TAFA1: variants seen among roughly 807,000 people sequenced by gnomAD.
The protein encoded by TAFA1 is TAFA chemokine like family member 1, also known as chemokine-like protein TAFA-1.
In TAFA1, 4 loss-of-function variants were observed where a neutral mutation model predicts 18.5. The observed-to-expected ratio is 0.22, with a 90% CI of 0.11 to 0.49. The LOEUF (loss-of-function observed/expected upper bound fraction) is 0.49, where lower values mean the gene tolerates loss of function less well. Ranked by LOEUF, TAFA1 falls within the 20% of genes least tolerant of loss-of-function variation. TAFA1 has a pLI of 0.98. For missense variants in TAFA1, 147 were observed against 169.0 expected, an observed-to-expected ratio of 0.87 and a Z score of 0.72; for synonymous variants, 56 against 55.2, an observed-to-expected ratio of 1.01 and a Z score of -0.06.
At chr3:68,221,158 A>G (rs964145465) in intron 2 of TAFA1, among the ~76,000 whole-genome samples, 17 of 152,326 alleles carry the variant, frequency 1.1e-4, no homozygotes, top group African/African-American at 4.1e-4. Context: ...AGTGGCCTGT[A>G]GACCATTTTG....
intron 2 of TAFA1, among the ~76,000 whole-genome samples, chr3:68,231,758 T>G (rs907923862): frequency 6.6e-6 from 1 of 152,190 alleles, no homozygotes; most frequent in African/African-American, 2.4e-5. Context: ...TTTAATAAAT[T>G]TACAGAGGGT....
intron 3 of TAFA1, among the ~76,000 whole-genome samples, chr3:68,532,504 T>C (rs1485414840): frequency 6.6e-6 from 1 of 152,138 alleles, no homozygotes; most frequent in Non-Finnish European, 1.5e-5. Flanking sequence ...GTAGATTTCT[T>C]GTTTAGATAC....
At chr3:68,019,580 T>C (rs1704643050) in intron 2 of TAFA1, among the ~76,000 whole-genome samples, 1 of 152,246 alleles carries the variant, frequency 6.6e-6, no homozygotes, top group African/African-American at 2.4e-5. Context: ...GAATATTGTA[T>C]AATGGGTTGA....
chr3:68,449,885 A>G (rs533980325), intron 3 of TAFA1, among the ~76,000 whole-genome samples: 1 of 152,366 alleles, frequency 6.6e-6, no homozygotes, highest in East Asian at 1.9e-4. Context: ...TGCTTCAAGA[A>G]AAACGGAAAA....
At chr3:67,999,952 A>G (rs1383858936), upstream of TAFA1, among the ~76,000 whole-genome samples, 1 of 151,938 alleles carries the variant, frequency 6.6e-6, no homozygotes, top group Non-Finnish European at 1.5e-5. Context: ...CCATACCCAG[A>G]TAATTTTCAT....
intron 2 of TAFA1, among the ~76,000 whole-genome samples, chr3:68,370,001 G>A (rs2069647525): frequency 6.6e-6 from 1 of 151,824 alleles, no homozygotes; most frequent in Non-Finnish European, 1.5e-5. Flanking sequence ...CTTTAAAAAT[G>A]TTTTGGGCCA....
intron 2 of TAFA1, among the ~76,000 whole-genome samples, chr3:68,151,144 T>C (rs1228223883): frequency 6.6e-6 from 1 of 152,106 alleles, no homozygotes; most frequent in Non-Finnish European, 1.5e-5. Flanking sequence ...CTTGATTCCC[T>C]CTACACCTTT....
At chr3:68,101,608 A>G (rs908366470) in intron 2 of TAFA1, among the ~76,000 whole-genome samples, 2 of 152,166 alleles carry the variant, frequency 1.3e-5, no homozygotes, top group Non-Finnish European at 2.9e-5. Flanking sequence ...ATAGCCTTCC[A>G]TGTTTTGAAG....
intron 3 of TAFA1, among the ~76,000 whole-genome samples, chr3:68,530,635 T>C (rs1305964807): frequency 6.6e-6 from 1 of 152,190 alleles, no homozygotes; most frequent in African/African-American, 2.4e-5. Flanking sequence ...AACTCAGTTC[T>C]AGGGGATAAA....
chr3:68,103,104 T>C (rs1396334923), intron 2 of TAFA1, among the ~76,000 whole-genome samples: 2 of 152,352 alleles, frequency 1.3e-5, no homozygotes, highest in East Asian at 3.9e-4. Flanking sequence ...TAAAGGGCTC[T>C]GGTGTCCAAA....
chr3:68,361,601 CT>C (rs896508737), intron 2 of TAFA1, among the ~76,000 whole-genome samples: 4 of 151,314 alleles, frequency 2.6e-5, no homozygotes, highest in East Asian at 1.9e-4. Flanking sequence ...CATGTCCCCC[CT>C]AAGTGTGTAA....
intron 3 of TAFA1, among the ~76,000 whole-genome samples, chr3:68,422,985 A>T (rs1353793698): frequency 6.6e-6 from 1 of 152,222 alleles, no homozygotes; most frequent in Non-Finnish European, 1.5e-5. Flanking sequence ...ATAAAGATTC[A>T]TAAACAAGAG....
intron 2 of TAFA1, among the ~76,000 whole-genome samples, chr3:68,103,241 A>T (rs1392113382): frequency 6.6e-6 from 1 of 152,212 alleles, no homozygotes; most frequent in Non-Finnish European, 1.5e-5. Context: ...TTTGGTTAGA[A>T]CTGTTAATTC....
chr3:68,000,717 A>G (rs1401892193), upstream of TAFA1, among the ~76,000 whole-genome samples: 2 of 152,200 alleles, frequency 1.3e-5, no homozygotes, highest in African/African-American at 4.8e-5. Flanking sequence ...ATACTCCAAG[A>G]CAAGTATACT....
intron 2 of TAFA1, among the ~76,000 whole-genome samples, chr3:68,232,410 G>A (rs2066882771): frequency 6.6e-6 from 1 of 152,150 alleles, no homozygotes; most frequent in Non-Finnish European, 1.5e-5. Flanking sequence ...TTTTATGTCT[G>A]AATGGTATTC....
At chr3:68,443,261 G>A (rs2071417040) in intron 3 of TAFA1, among the ~76,000 whole-genome samples, 1 of 151,972 alleles carries the variant, frequency 6.6e-6, no homozygotes, top group Non-Finnish European at 1.5e-5. Flanking sequence ...ACAGAACCCT[G>A]GAAGGCAGCT....
intron 2 of TAFA1, among the ~76,000 whole-genome samples, chr3:68,036,393 T>TGTG (rs965552675): frequency 1.4e-5 from 2 of 141,626 alleles, no homozygotes; most frequent in African/African-American, 5.4e-5. Context: ...GAGCCAAGAC[T>TGTG]GTGCCACTGC....
intron 3 of TAFA1, among the ~76,000 whole-genome samples, chr3:68,482,741 C>T (rs545043729): frequency 2.2e-4 from 34 of 152,314 alleles, no homozygotes; most frequent in African/African-American, 7.2e-4. Context: ...TTAAACAACA[C>T]ATTCTTGTAG....
intron 2 of TAFA1, among the ~76,000 whole-genome samples, chr3:68,080,831 C>G (rs933228293): frequency 6.6e-5 from 10 of 152,110 alleles, no homozygotes; most frequent in East Asian, 1.9e-4. Flanking sequence ...GTGGTGTTCT[C>G]TATATTTCCT....
Sources: gnomAD v4.1 joint callset for allele counts (sites outside exome capture counted in the v4.1 genomes callset) on GRCh38, gnomAD v4.1.1 for gene constraint, MANE v1.5 for transcripts, NCBI Gene and HGNC (gene_info 2026-07-23, HGNC 2026-07-21) for gene names.